The following NFILZ variants were observed in gnomAD, a reference collection of about 807,000 sequenced individuals.
NFILZ encodes NFIL3 like protein.
intron 3 of NFILZ, among the ~76,000 whole-genome samples, chr19:8,645,401 A>T (rs1197748535): frequency 1.3e-5 from 2 of 151,778 alleles, no homozygotes; most frequent in African/African-American, 4.8e-5. Context: ...AGGCCTCCCA[A>T]AGTGCTGGGA....
chr19:8,657,268 A>G (rs1277937193), intron 3 of NFILZ, among the ~76,000 whole-genome samples: 1 of 150,698 alleles, frequency 6.6e-6, no homozygotes, highest in East Asian at 2.0e-4. Flanking sequence ...CACCACACCC[A>G]GCTAATTTTT....
intron 3 of NFILZ, among the ~76,000 whole-genome samples, chr19:8,673,768 GAGTGCT>G (rs2043098782): frequency 6.6e-6 from 1 of 152,186 alleles, no homozygotes; most frequent in South Asian, 2.1e-4. Context: ...TCCTGGGCAT[GAGTGCT>G]GGAGACCTTC....
Position 8,676,469 on chromosome 19 carries a change from C to T in NFILZ, c.-16+13C>T, listed in dbSNP as rs904248385. Among the ~76,000 whole-genome samples the T allele has an allele frequency of 6.6e-6, 1 of 152,184 alleles. No homozygotes were observed. Among genetic ancestry groups the T allele is most frequent in the Non-Finnish European group, 1.5e-5 (1 of 68,028 alleles). ...GACCTTCTCAACAGTAAGGAGAACA[C>T]CCCTGGAAGAGCATGTGTCCTTCTG... is the stretch of plus-strand genomic sequence containing the variant. On this transcript the variant is annotated intron_variant, in intron 5 of 5. Transcript: ENST00000691075.
At chr19:8,641,829 C>T (rs1358431588) in intron 3 of NFILZ, among the ~76,000 whole-genome samples, 2 of 147,768 alleles carry the variant, frequency 1.4e-5, no homozygotes, top group Non-Finnish European at 3.0e-5. Context: ...TAAATGATAG[C>T]TTTTTTTTTT....
chr19:8,663,752 G>GTGTGTATGTGTGTA (rs2043047407), intron 3 of NFILZ, among the ~76,000 whole-genome samples: 1 of 127,750 alleles, frequency 7.8e-6, no homozygotes, highest in East Asian at 6.4e-4. Flanking sequence ...GTGTGTGTGT[G>GTGTGTATGTGTGTA]TGTGTGTGTG....
rs2043130945 is a variant in NFILZ, at chr19:8,678,750, T to G, written c.*1115T>G. 6.6e-6 allele frequency among the ~76,000 whole-genome samples: 1 copy of G among 152,238 alleles called. No homozygotes were observed. Among genetic ancestry groups the G allele is most frequent in the South Asian group, 2.1e-4 (1 of 4,836 alleles). On this transcript the variant is annotated 3_prime_UTR_variant, in exon 6 of 6. Transcript: ENST00000691075. ...ATTTATTCATTTAGCCACTCATTTA[T>G]GTGCTAACTTGTTTATTCATTCATT...
intron 3 of NFILZ, among the ~76,000 whole-genome samples, chr19:8,659,096 A>G (rs1300755744): frequency 6.6e-6 from 1 of 151,616 alleles, no homozygotes; most frequent in Non-Finnish European, 1.5e-5. Flanking sequence ...AAATACAAAA[A>G]ATTAGCCAGG....
chr19:8,672,289 C>T (rs2918303), intron 3 of NFILZ, among the ~76,000 whole-genome samples: 90,681 of 151,600 alleles, frequency 0.6, 29,179 homozygotes, highest in East Asian at 0.85. Flanking sequence ...AATCCATGCA[C>T]TTATTAGTTC....
At chr19:8,656,652 C>G (rs1261932791) in intron 3 of NFILZ, among the ~76,000 whole-genome samples, 1 of 152,222 alleles carries the variant, frequency 6.6e-6, no homozygotes, top group Non-Finnish European at 1.5e-5. Context: ...CAGCTGCCGC[C>G]GCCCAATGTT....
rs1239697456 is a variant in NFILZ at position 8,680,746 on chromosome 19, A to T, written c.*3111A>T. Among the ~76,000 whole-genome samples, 2 of 152,194 alleles carry T rather than the reference A, an allele frequency of 1.3e-5. No homozygotes were observed. The highest frequency in any genetic ancestry group is 3.9e-4 in the East Asian group (2 of 5,192). Reference sequence around the variant, plus strand: ...GAAATAGGGAGATCAGGATTGAAATAGGGGGATCTCAGCCTTGCTGAGAAA... The same window carrying T: ...GAAATAGGGAGATCAGGATTGAAATTGGGGGATCTCAGCCTTGCTGAGAAA... On this transcript the variant is annotated 3_prime_UTR_variant, in exon 6 of 6. Coordinates refer to ENST00000691075, the MANE Select transcript of NFILZ (RefSeq NM_001378600.1).
chr19:8,663,343 C>A (rs2043040664), intron 3 of NFILZ, among the ~76,000 whole-genome samples: 1 of 147,236 alleles, frequency 6.8e-6, no homozygotes, highest in Non-Finnish European at 1.5e-5. Context: ...GAGCAGAGGA[C>A]AAAAGTAGGG....
chr19:8,663,722 TTGTGTG>T (rs879983007), intron 3 of NFILZ, among the ~76,000 whole-genome samples: 16 of 10,808 alleles, frequency 1.5e-3, no homozygotes, highest in African/African-American at 3.7e-3. Context: ...GTGTGTGTGT[TTGTGTG>T]TGTGTGTGTG....
intron 3 of NFILZ, among the ~76,000 whole-genome samples, chr19:8,662,409 C>T (rs569938159): frequency 6.6e-6 from 1 of 151,634 alleles, no homozygotes; most frequent in African/African-American, 2.4e-5. Flanking sequence ...GAGGGAGGAG[C>T]GATGTGAGTG....
intron 3 of NFILZ, among the ~76,000 whole-genome samples, chr19:8,647,591 A>AAT (rs2042944680): frequency 2.0e-5 from 3 of 147,962 alleles, no homozygotes; most frequent in African/African-American, 7.4e-5. Flanking sequence ...CCCCCCCAAA[A>AAT]AAAGGGAACG....
rs1037619372 is a variant in NFILZ at position 8,632,555 on chromosome 19, C to T, written c.-331C>T. On this transcript the variant is annotated 5_prime_UTR_variant, in exon 2 of 6. Transcript: ENST00000691075. Reference sequence around the variant, plus strand: ...GATTGTCCTCACTGCTACACTCCCACCAGCCCCCTGACGGTTTACAGATGC... The same window carrying T: ...GATTGTCCTCACTGCTACACTCCCATCAGCCCCCTGACGGTTTACAGATGC... 2 of 152,136 alleles carry T rather than the reference C, an allele frequency of 1.3e-5. No individual in the cohort carries two copies. The highest frequency in any genetic ancestry group is 2.1e-4 in the South Asian group (1 of 4,820). The allele number at this position is 152,136 out of a possible 1,614,324, so 9.4% of individuals were successfully genotyped here.
intron 3 of NFILZ, among the ~76,000 whole-genome samples, chr19:8,635,962 G>A (rs1031716765): frequency 1.3e-5 from 2 of 152,016 alleles, no homozygotes; most frequent in Non-Finnish European, 2.9e-5. Context: ...TCAGCCTCCA[G>A]AGTAGCTGGA....
In NFILZ at chr19:8,632,256, G is replaced by A. The variant is rs534955024; in HGVS notation, c.-410-220G>A. Among the ~76,000 whole-genome samples the A allele has an allele frequency of 5.3e-4, 81 of 151,578 alleles. No homozygotes were observed. The East Asian group carries it at 9.7e-3, about 18-fold the overall frequency. ...CTGCCCCGCCATACAGTGTGTGTGT[G>A]TGTGTGTGTGTGTGTGTGTCAGGGG... On this transcript the variant is annotated intron_variant, in intron 1 of 5. Transcript: ENST00000691075.
At chr19:8,658,115 A>T (rs1174540103) in intron 3 of NFILZ, among the ~76,000 whole-genome samples, 1 of 152,232 alleles carries the variant, frequency 6.6e-6, no homozygotes, top group African/African-American at 2.4e-5. Context: ...GCCCTGAGGC[A>T]GGACAGTGCC....
At chr19:8,648,389 C>T (rs1555747410) in intron 3 of NFILZ, among the ~76,000 whole-genome samples, 1 of 152,030 alleles carries the variant, frequency 6.6e-6, no homozygotes, top group Non-Finnish European at 1.5e-5. Flanking sequence ...TTTGGTTTTG[C>T]AAGATGAAGC....
Sources: allele counts gnomAD v4.1 joint callset (sites outside exome capture counted in the v4.1 genomes callset), GRCh38; gene constraint gnomAD v4.1.1; transcripts MANE v1.5; gene names NCBI Gene and HGNC (gene_info 2026-07-23, HGNC 2026-07-21).